The following LARS2 variants were observed in gnomAD, a reference collection of about 807,000 sequenced individuals.
LARS2 encodes leucyl-tRNA synthetase 2, mitochondrial.
A neutral mutation model predicts 116.6 loss-of-function variants in LARS2; 81 were observed. That is an observed-to-expected ratio of 0.69 (90% CI 0.58 to 0.84). The LOEUF is 0.84. Ranked by LOEUF, LARS2 falls within the 40% of genes least tolerant of loss-of-function variation. The pLI is 0.00. For missense variants in LARS2, 968 were observed against 1,114.5 expected (o/e 0.87, Z 1.87); for synonymous variants, 396 against 407.2 (o/e 0.97, Z 0.33).
At chr3:45,520,192 A>C in intron 18 of LARS2, 27 bp from the exon 19 acceptor site, 1 of 1,521,216 alleles carries the variant, frequency 6.6e-7, no homozygotes, top group Middle Eastern at 1.7e-4. Flanking sequence ...TTTTGAAATA[A>C]GTAAATAATT....
intron 6 of LARS2, among the ~76,000 whole-genome samples, chr3:45,444,329 T>C (rs1399465640): frequency 7.5e-6 from 1 of 132,870 alleles, no homozygotes; most frequent in Non-Finnish European, 1.6e-5. Context: ...TCACTTTAGG[T>C]AAAAGTGATT....
chr3:45,415,525 G>C (rs1236206649), intron 4 of LARS2, among the ~76,000 whole-genome samples: 1 of 152,110 alleles, frequency 6.6e-6, no homozygotes, highest in African/African-American at 2.4e-5. Context: ...CAAAAGCATA[G>C]CTAGTGGTTT....
intron 6 of LARS2, among the ~76,000 whole-genome samples, chr3:45,436,566 G>A (rs941665838): frequency 1.3e-5 from 2 of 151,446 alleles, no homozygotes; most frequent in Non-Finnish European, 2.9e-5. Context: ...AGGCCGAGGC[G>A]GGTGGATCAT....
chr3:45,403,976 G>A (rs779999025), intron 4 of LARS2, among the ~76,000 whole-genome samples: 1 of 152,068 alleles, frequency 6.6e-6, no homozygotes, highest in Non-Finnish European at 1.5e-5. Context: ...CTTGTATCTG[G>A]CACATAATAA....
In LARS2 at chr3:45,464,565, C is replaced by T. The variant is rs1241619253; in HGVS notation, c.750+5679C>T. Among the ~76,000 whole-genome samples the T allele has an allele frequency of 2.0e-5, 3 of 152,172 alleles. No homozygotes were observed. The East Asian group carries it at 5.8e-4, about 29-fold the overall frequency. Reference sequence around the variant, plus strand: ...CTTAATCCCCTTCACCCCTGTCACTCCTGTGTTGCTCTAGAAGCTTTGCAA... The same window carrying T: ...CTTAATCCCCTTCACCCCTGTCACTTCTGTGTTGCTCTAGAAGCTTTGCAA... On this transcript the variant is annotated intron_variant, in intron 8 of 21. Coordinates refer to ENST00000645846, the MANE Select transcript of LARS2 (RefSeq NM_015340.4).
chr3:45,451,249 T>C (rs1699121514), intron 7 of LARS2, among the ~76,000 whole-genome samples: 1 of 152,150 alleles, frequency 6.6e-6, no homozygotes. Context: ...CTTGTGCTTT[T>C]ATGGTCTTAC....
At chr3:45,538,612 C>T (rs1700746384) in intron 20 of LARS2, 1 of 152,300 alleles carries the variant, frequency 6.6e-6, no homozygotes, top group Non-Finnish European at 1.5e-5. Context: ...ACCATCTGGG[C>T]AGCAGGAATC....
At chr3:45,404,325 T>TA (rs1698199869) in intron 4 of LARS2, among the ~76,000 whole-genome samples, 1 of 152,234 alleles carries the variant, frequency 6.6e-6, no homozygotes, top group Non-Finnish European at 1.5e-5. Context: ...GCATCTCAGA[T>TA]ACAACCACCA....
chr3:45,474,385 T>A, intron 9 of LARS2, 35 bp downstream of exon 9: 1 of 1,376,954 alleles, frequency 7.3e-7, no homozygotes, highest in Non-Finnish European at 1.0e-6. Context: ...CAATTCATGA[T>A]CACAAATCTC....
chr3:45,547,589 A>T lies in LARS2; in HGVS notation c.*59A>T, dbSNP rs765474226. ...TGAGGAACCTCCTTCCAGGCCTGGG[A>T]TGAGGGGGCGATGTCTGCTGGCCCA... On this transcript the variant is annotated 3_prime_UTR_variant, in exon 22 of 22. Coordinates refer to ENST00000645846, the MANE Select transcript of LARS2 (RefSeq NM_015340.4). 6.9e-7 allele frequency: 1 copy of T among 1,458,136 alleles called. No homozygotes were observed. The highest frequency in any genetic ancestry group is 2.1e-5 in the Admixed American group (1 of 47,650). The allele number at this position is 1,458,136 out of a possible 1,614,324, so 90.3% of individuals were successfully genotyped here.
At position 45,524,052 on chromosome 3, in the gene LARS2, C is replaced by T. The variant is rs1367870200; in HGVS notation, c.2348C>T (p.Ala783Val). 6 of 1,613,990 alleles carry T rather than the reference C, an allele frequency of 3.7e-6. No individual in the cohort carries two copies. Among genetic ancestry groups the T allele is most frequent in the Non-Finnish European group, 5.1e-6 (6 of 1,179,928 alleles). ...HSPEFEDALC[A>V]LMVMAAPLAP... ...CCCGAGTTTGAGGATGCTTTGTGTG[C>T]CCTGATGGTAATGGCTGCTCCACTG... Residue 783 changes from alanine to valine, a missense_variant, in exon 20 of 22, where the codon GCC becomes GTC. Coordinates refer to ENST00000645846, the MANE Select transcript of LARS2 (RefSeq NM_015340.4).
chr3:45,411,244 C>T (rs1698325558), intron 4 of LARS2, among the ~76,000 whole-genome samples: 1 of 152,188 alleles, frequency 6.6e-6, no homozygotes, highest in Admixed American at 6.5e-5. Context: ...GCCCTGCCGG[C>T]ATTTATTCAG....
intron 7 of LARS2, among the ~76,000 whole-genome samples, chr3:45,447,907 A>G (rs958075776): frequency 1.3e-5 from 2 of 152,226 alleles, no homozygotes; most frequent in Non-Finnish European, 2.9e-5. Context: ...GATAGCCACT[A>G]GCCACATGTG....
intron 6 of LARS2, among the ~76,000 whole-genome samples, chr3:45,443,977 A>G (rs1266180044): frequency 6.8e-6 from 1 of 148,092 alleles, no homozygotes; most frequent in Non-Finnish European, 1.5e-5. Flanking sequence ...GATGAAGATC[A>G]TTGTTTTTCC....
Position 45,390,381 on chromosome 3 carries a change from C to T in LARS2, c.-87-1202C>T, listed in dbSNP as rs573198544. Among the ~76,000 whole-genome samples the T allele has an allele frequency of 3.9e-5, 6 of 152,070 alleles. No individual in the cohort carries two copies. In the South Asian group the frequency reaches 1.2e-3, roughly 32 times the overall value. On this transcript the variant is annotated intron_variant, in intron 1 of 21. Coordinates refer to ENST00000645846, the MANE Select transcript of LARS2 (RefSeq NM_015340.4). Reference sequence around the variant, plus strand: ...AGGCTGGAGTGCAGTGGTGCAGCCTCTGCTCACTGCAAGCTCCGCCTCCTG... The same window carrying T: ...AGGCTGGAGTGCAGTGGTGCAGCCTTTGCTCACTGCAAGCTCCGCCTCCTG...
At chr3:45,492,097 A>G (rs555463264) in intron 13 of LARS2, among the ~76,000 whole-genome samples, 8 of 152,258 alleles carry the variant, frequency 5.3e-5, no homozygotes, top group Non-Finnish European at 1.2e-4. Flanking sequence ...TTTTCCTTAC[A>G]GCTTTGTAAA....
At chr3:45,445,640 G>T (rs1204586766) in intron 6 of LARS2, among the ~76,000 whole-genome samples, 1 of 152,214 alleles carries the variant, frequency 6.6e-6, no homozygotes, top group African/African-American at 2.4e-5. Flanking sequence ...TAGTTGCCTT[G>T]AAGTGGGAAG....
intron 13 of LARS2, chr3:45,495,478 G>C (rs966065744): frequency 6.6e-6 from 1 of 152,234 alleles, no homozygotes; most frequent in Non-Finnish European, 1.5e-5. Context: ...TCTTCCTCGA[G>C]TCATCCTGGT....
chr3:45,496,009 G>A (rs1363970416), intron 13 of LARS2, among the ~76,000 whole-genome samples: 1 of 151,980 alleles, frequency 6.6e-6, no homozygotes, highest in Non-Finnish European at 1.5e-5. Flanking sequence ...ACAGGCACAC[G>A]CCACGACGCC....
Sources: allele counts gnomAD v4.1 joint callset (sites outside exome capture counted in the v4.1 genomes callset), GRCh38; gene constraint gnomAD v4.1.1; transcripts MANE v1.5; gene names NCBI Gene and HGNC (gene_info 2026-07-23, HGNC 2026-07-21).